The following UBE2D2 variants were observed in gnomAD, a reference collection of about 807,000 sequenced individuals.
The protein encoded by UBE2D2 is ubiquitin conjugating enzyme E2 D2, also known as ubiquitin-conjugating enzyme E2 D2.
Under a neutral mutation model 24.2 loss-of-function variants are expected in UBE2D2, and 2 were observed. The ratio of observed to expected loss-of-function variants is 0.08; its 90% CI spans 0.03 to 0.26. The LOEUF is 0.26. Ranked by LOEUF, UBE2D2 falls within the 10% of genes least tolerant of loss-of-function variation. The pLI is 1.00. For missense variants in UBE2D2, 44 were observed against 177.6 expected (o/e 0.25, Z 4.28); for synonymous variants, 58 against 56.5 (o/e 1.03, Z -0.12).
At position 139,562,438 on chromosome 5, in the gene UBE2D2, G is replaced by A. The variant is rs768449352; in HGVS notation, c.24+623G>A. 9 of 1,292,258 alleles carry A rather than the reference G, an allele frequency of 7.0e-6. No homozygotes were observed. The East Asian group carries it at 2.1e-4, about 31-fold the overall frequency. The allele number at this position is 1,292,258 out of a possible 1,614,324, so 80.0% of individuals were successfully genotyped here. A position where few individuals can be genotyped will look rare whatever the true frequency, so the allele number is the denominator to read the frequency against. On this transcript the variant is annotated intron_variant, in intron 1 of 6. Transcript: ENST00000398733. ...TTAATGAGGGAGGAGGGAAGTAGAGGGAGAATCATTTTATTCCTTGAGGTT... is the reference window on the plus strand; with the variant it reads ...TTAATGAGGGAGGAGGGAAGTAGAGAGAGAATCATTTTATTCCTTGAGGTT...
At chr5:139,539,127 T>C (rs1752724460) in intron 1 of UBE2D2, among the ~76,000 whole-genome samples, 2 of 151,584 alleles carry the variant, frequency 1.3e-5, no homozygotes, top group Non-Finnish European at 2.9e-5. Context: ...CGGGTTCAAG[T>C]AATTCTCCTG....
intron 1 of UBE2D2, among the ~76,000 whole-genome samples, chr5:139,590,966 G>A (rs995026625): frequency 3.6e-4 from 54 of 151,272 alleles, no homozygotes; most frequent in African/African-American, 1.2e-3. Context: ...AGCTAATTAT[G>A]CATTTTTAGT....
At chr5:139,586,960 A>G (rs1255145031) in intron 1 of UBE2D2, among the ~76,000 whole-genome samples, 4 of 152,132 alleles carry the variant, frequency 2.6e-5, no homozygotes, top group Non-Finnish European at 5.9e-5. Flanking sequence ...AGGCTGAAGT[A>G]CAGTGGCACT....
chr5:139,557,024 G>A (rs760271315), upstream of UBE2D2, among the ~76,000 whole-genome samples: 6 of 151,392 alleles, frequency 4.0e-5, no homozygotes, highest in Middle Eastern at 3.4e-3. Context: ...TAGTAGAGAC[G>A]GGGTTTCATC....
At chr5:139,556,509 G>A (rs1179071769), upstream of UBE2D2, among the ~76,000 whole-genome samples, 3 of 152,106 alleles carry the variant, frequency 2.0e-5, no homozygotes, top group African/African-American at 7.2e-5. Context: ...AATAGAAAAT[G>A]GATTGAACAA....
Position 139,561,746 on chromosome 5 carries a change from C to T in UBE2D2, c.-46C>T, listed in dbSNP as rs779144243. 3.4e-5 allele frequency: 48 copies of T among 1,423,004 alleles called. No individual in the cohort carries two copies. Among genetic ancestry groups the T allele is most frequent in the Non-Finnish European group, 3.8e-5 (41 of 1,070,812 alleles). 88.1% of individuals were successfully genotyped at this position (1,423,004 alleles called of 1,614,324 possible). ...CCCTAGCCCCTTCCCCGTCCCTTCC[C>T]CGCCCCCGTCCCCGCCCCGGGGGCC... On this transcript the variant is annotated 5_prime_UTR_variant, in exon 1 of 7. Transcript: ENST00000398733.
chr5:139,585,975 C>T (rs879667746), intron 1 of UBE2D2, among the ~76,000 whole-genome samples: 1 of 123,440 alleles, frequency 8.1e-6, no homozygotes, highest in Non-Finnish European at 1.7e-5. Context: ...GAAAGAAATA[C>T]AGCTATATAG....
At chr5:139,557,740 C>T (rs545880553), upstream of UBE2D2, among the ~76,000 whole-genome samples, 2 of 152,170 alleles carry the variant, frequency 1.3e-5, no homozygotes, top group South Asian at 2.1e-4. Flanking sequence ...GAGTGAGAGT[C>T]TGTCTCAATA....
At chr5:139,572,805 C>A in intron 1 of UBE2D2, among the ~76,000 whole-genome samples, 1 of 151,726 alleles carries the variant, frequency 6.6e-6, no homozygotes, top group East Asian at 2.0e-4. Context: ...CATGCACCAC[C>A]GTGCCTGGCT....
At position 139,561,671 on chromosome 5, in the gene UBE2D2, A is replaced by G; in HGVS notation, c.-121A>G. The G allele has an allele frequency of 1.4e-6, 1 of 722,328 alleles. No individual in the cohort carries two copies. Among genetic ancestry groups the G allele is most frequent in the Non-Finnish European group, 2.1e-6 (1 of 477,078 alleles). The allele number at this position is 722,328 out of a possible 1,614,324, so 44.7% of individuals were successfully genotyped here. ...CCGTCCCGCCGGACCCGCTTTCCTC[A>G]ACTCTCCATCTTCTCCTGCCGACCG... is the stretch of plus-strand genomic sequence containing the variant. On this transcript the variant is annotated 5_prime_UTR_variant, in exon 1 of 7. Transcript: ENST00000398733.
rs761644489 is a variant in UBE2D2 at position 139,623,443 on chromosome 5, A to G, written c.380A>G (p.Tyr127Cys). 6.2e-7 allele frequency: 1 copy of G among 1,604,348 alleles called. No homozygotes were observed. Residue 127 changes from tyrosine (Y) to cysteine (C), a missense_variant, in exon 6 of 7, where the codon TAC becomes TGC. By Grantham distance (194) the Tyr-to-Cys change is radical. Coordinates refer to ENST00000398733, the MANE Select transcript of UBE2D2 (RefSeq NM_003339.3). ...DPLVPEIARI[Y>C]KTDREKYNRI... ...TTAGTGCCTGAGATTGCTCGGATCT[A>G]CAAAACAGATAGAGAAAAGTAAGTA... is the stretch of plus-strand genomic sequence containing the variant.
chr5:139,546,818 C>CT (rs1257754527), intron 1 of UBE2D2, among the ~76,000 whole-genome samples: 41 of 1,342 alleles, frequency 0.031, no homozygotes, highest in Non-Finnish European at 0.043. Context: ...TTCTTTCTTT[C>CT]TTCCTTCCTT....
chr5:139,597,932 C>T (rs181229092), intron 1 of UBE2D2, among the ~76,000 whole-genome samples: 17 of 152,262 alleles, frequency 1.1e-4, no homozygotes, highest in South Asian at 2.1e-4. Flanking sequence ...GACGAAGTCT[C>T]GCTCTGTCGC....
At chr5:139,624,523 C>T (rs1385904325) in intron 6 of UBE2D2, among the ~76,000 whole-genome samples, 1 of 152,214 alleles carries the variant, frequency 6.6e-6, no homozygotes, top group Non-Finnish European at 1.5e-5. Flanking sequence ...CGCAGTGGCT[C>T]ACGCCTGTAA....
chr5:139,594,398 T>G (rs929988165), intron 1 of UBE2D2, among the ~76,000 whole-genome samples: 3 of 151,824 alleles, frequency 2.0e-5, no homozygotes, highest in South Asian at 2.1e-4. Context: ...TAATTATCTG[T>G]TTTTTTTCTT....
chr5:139,589,298 C>G (rs1017315098), intron 1 of UBE2D2, among the ~76,000 whole-genome samples: 1 of 152,058 alleles, frequency 6.6e-6, no homozygotes, highest in African/African-American at 2.4e-5. Flanking sequence ...GTGGCTCGTG[C>G]TTGTATTCCC....
chr5:139,551,777 A>T (rs1213495312), intron 1 of UBE2D2, among the ~76,000 whole-genome samples: 1 of 152,194 alleles, frequency 6.6e-6, no homozygotes, highest in African/African-American at 2.4e-5. Flanking sequence ...GCATGTGCCT[A>T]ATCTGGGGTG....
At chr5:139,591,947 TC>T (rs960672260) in intron 1 of UBE2D2, among the ~76,000 whole-genome samples, 1 of 151,890 alleles carries the variant, frequency 6.6e-6, no homozygotes, top group Non-Finnish European at 1.5e-5. Flanking sequence ...TGCCTGTAAT[TC>T]CAGCACTTTG....
intron 1 of UBE2D2, among the ~76,000 whole-genome samples, chr5:139,533,646 C>T (rs1006170788): frequency 4.0e-5 from 6 of 148,178 alleles, no homozygotes; most frequent in African/African-American, 7.5e-5. Context: ...AGCTAAACTC[C>T]GTCTCAAAAA....
Sources: allele counts gnomAD v4.1 joint callset (sites outside exome capture counted in the v4.1 genomes callset), GRCh38; gene constraint gnomAD v4.1.1; transcripts MANE v1.5; gene names NCBI Gene and HGNC (gene_info 2026-07-23, HGNC 2026-07-21).